The following POLA1 variants were observed in gnomAD, a reference collection of about 807,000 sequenced individuals.
POLA1 encodes the protein DNA polymerase alpha 1, catalytic subunit.
A neutral mutation model predicts 124.0 loss-of-function variants in POLA1; 15 were observed. That is an observed-to-expected ratio of 0.12 (90% CI 0.08 to 0.19). The LOEUF (loss-of-function observed/expected upper bound fraction) is 0.19, where lower values mean the gene tolerates loss of function less well. Among genes scored for constraint, POLA1 ranks in the 10% least tolerant of loss-of-function variants. The pLI is 1.00. For synonymous variants in POLA1, 408 were observed against 389.4 expected (o/e 1.05, Z -0.56); for missense variants, 886 against 1,103.4 (o/e 0.80, Z 2.79).
intron 26 of POLA1, among the ~76,000 whole-genome samples, chrX:24,783,311 A>G (rs2045300453): frequency 8.9e-6 from 1 of 111,828 alleles, no homozygotes. Context: ...AACAACCATA[A>G]CAACAATAGC....
intron 36 of POLA1, among the ~76,000 whole-genome samples, chrX:24,963,062 A>G (rs1207768684): frequency 1.8e-5 from 2 of 111,641 alleles, no homozygotes; most frequent in African/African-American, 6.5e-5. Context: ...TTATTAAGGA[A>G]TAGTAGAATC....
chrX:24,992,683 G>A (rs1322557512), intron 36 of POLA1, among the ~76,000 whole-genome samples: 1 of 112,666 alleles, frequency 8.9e-6, no homozygotes, highest in Non-Finnish European at 1.9e-5. Context: ...TTTATAAAGA[G>A]TAAAGTTGAA....
chrX:24,741,828 T>A, intron 21 of POLA1, among the ~76,000 whole-genome samples, 174 bp from the exon 22 acceptor site: 1 of 109,833 alleles, frequency 9.1e-6, no homozygotes, highest in East Asian at 2.8e-4. Context: ...TTAGCTATAA[T>A]GCTTAAAGAA....
At chrX:24,791,040 C>G (rs1161106744) in intron 26 of POLA1, among the ~76,000 whole-genome samples, 1 of 108,549 alleles carries the variant, frequency 9.2e-6, no homozygotes, top group East Asian at 2.9e-4. Flanking sequence ...AGGCAATATG[C>G]TTACTGTCAA....
chrX:24,974,265 G>C (rs1234110360), intron 36 of POLA1, among the ~76,000 whole-genome samples: 1 of 111,383 alleles, frequency 9.0e-6, no homozygotes, highest in Non-Finnish European at 1.9e-5. Context: ...AGAAGCAGGA[G>C]GGAGGCTGCT....
At chrX:24,856,126 G>A (rs2046642075) in intron 34 of POLA1, among the ~76,000 whole-genome samples, 1 of 111,597 alleles carries the variant, frequency 9.0e-6, no homozygotes, top group African/African-American at 3.3e-5. Flanking sequence ...AATCAAGATA[G>A]AAAACAGTTC....
chrX:24,899,136 A>G (rs1317580034), intron 35 of POLA1, among the ~76,000 whole-genome samples: 6 of 111,936 alleles, frequency 5.4e-5, no homozygotes, highest in Non-Finnish European at 3.8e-5. Context: ...TTTTCCTACT[A>G]AGAACCTTTT....
At chrX:24,984,654 CTTTTTT>C (rs72426448) in intron 36 of POLA1, among the ~76,000 whole-genome samples, 5 of 78,727 alleles carry the variant, frequency 6.4e-5, no homozygotes, top group African/African-American at 1.0e-4. Context: ...ACCTTTTGCA[CTTTTTT>C]TTTTTTTTTT....
intron 15 of POLA1, among the ~76,000 whole-genome samples, chrX:24,730,075 G>A (rs995651702): frequency 3.6e-5 from 4 of 111,390 alleles, no homozygotes; most frequent in Non-Finnish European, 5.7e-5. Context: ...GGAATTACAG[G>A]CGTGAGCCAC....
At chrX:24,864,719 A>G (rs1246550658) in intron 34 of POLA1, among the ~76,000 whole-genome samples, 1 of 108,370 alleles carries the variant, frequency 9.2e-6, no homozygotes, top group Non-Finnish European at 1.9e-5. Context: ...CATCACAGCT[A>G]TGGAATGTTT....
At chrX:24,769,205 G>T (rs768361865) in intron 26 of POLA1, among the ~76,000 whole-genome samples, 6 of 111,391 alleles carry the variant, frequency 5.4e-5, no homozygotes, top group Non-Finnish European at 9.4e-5. Flanking sequence ...TTTTTCCTTG[G>T]AACTAATTAG....
chrX:24,747,653 T>A (rs956355300), intron 24 of POLA1, among the ~76,000 whole-genome samples: 3 of 111,158 alleles, frequency 2.7e-5, no homozygotes, highest in Admixed American at 9.6e-5. Context: ...TCTTAGTGTT[T>A]GTATTTTAAA....
At chrX:24,751,885 G>A (rs771717744) in intron 26 of POLA1, among the ~76,000 whole-genome samples, 1 of 111,638 alleles carries the variant, frequency 9.0e-6, no homozygotes, top group Non-Finnish European at 1.9e-5. Flanking sequence ...ATACGAGTGG[G>A]CAGAATAATA....
At chrX:24,757,057 A>G (rs968876300) in intron 26 of POLA1, among the ~76,000 whole-genome samples, 31 of 111,264 alleles carry the variant, frequency 2.8e-4, no homozygotes, top group African/African-American at 9.8e-4. Flanking sequence ...GGTTTAATGT[A>G]TTTTGGCAGA....
chrX:24,746,034 C>A (rs988834458), intron 24 of POLA1, among the ~76,000 whole-genome samples: 21 of 111,218 alleles, frequency 1.9e-4, no homozygotes, highest in African/African-American at 6.5e-4. Flanking sequence ...ACATACACCA[C>A]ATTTTGTTCT....
At chrX:24,828,560 G>A (rs1436854780) in intron 32 of POLA1, among the ~76,000 whole-genome samples, 1 of 111,750 alleles carries the variant, frequency 8.9e-6, no homozygotes, top group Non-Finnish European at 1.9e-5. Flanking sequence ...ACTCCCCCCC[G>A]CTCTCCACTG....
intron 34 of POLA1, among the ~76,000 whole-genome samples, chrX:24,864,295 T>C (rs2046761607): frequency 8.9e-6 from 1 of 111,830 alleles, no homozygotes; most frequent in Non-Finnish European, 1.9e-5. Context: ...ACTCTTTATT[T>C]TTAATCGTGA....
chrX:24,829,900 T>G (rs889497435), intron 32 of POLA1, among the ~76,000 whole-genome samples: 2 of 112,458 alleles, frequency 1.8e-5, no homozygotes, highest in South Asian at 3.7e-4. Context: ...GCTAGTGAAC[T>G]GACACCGTTA....
intron 26 of POLA1, among the ~76,000 whole-genome samples, chrX:24,787,553 A>G (rs867760775): frequency 1.1e-4 from 12 of 111,548 alleles, no homozygotes; most frequent in African/African-American, 3.9e-4. Flanking sequence ...TGGGTTCTCT[A>G]TTCTGTTCCA....
Sources: allele counts gnomAD v4.1 joint callset (sites outside exome capture counted in the v4.1 genomes callset), GRCh38; gene constraint gnomAD v4.1.1; transcripts MANE v1.5; gene names NCBI Gene and HGNC (gene_info 2026-07-23, HGNC 2026-07-21).